The following ADGRG4 variants were observed in gnomAD, a reference collection of about 807,000 sequenced individuals.
ADGRG4 encodes the protein adhesion G protein-coupled receptor G4.
Under a neutral mutation model 126.2 loss-of-function variants are expected in ADGRG4, and 122 were observed. The observed-to-expected ratio is 0.97, with a 90% confidence interval of 0.83 to 1.12. The LOEUF (loss-of-function observed/expected upper bound fraction) is 1.12, where lower values mean the gene tolerates loss of function less well. ADGRG4 is among the 50% of genes most tolerant of loss of function. The pLI, the probability that ADGRG4 is intolerant of heterozygous loss-of-function variation, is 0.00. For synonymous variants in ADGRG4, 943 were observed against 838.7 expected (o/e 1.12, Z -2.15); for missense variants, 2,481 against 2,251.8 (o/e 1.10, Z -2.06).
chrX:136,375,915 T>C (rs1263351155), intron 15 of ADGRG4, among the ~76,000 whole-genome samples: 1 of 112,311 alleles, frequency 8.9e-6, no homozygotes, highest in Non-Finnish European at 1.9e-5. Context: ...TTTGTTTCTG[T>C]TTGTGCATTT....
chrX:136,383,943 G>A (rs1469186431), intron 15 of ADGRG4, among the ~76,000 whole-genome samples: 1 of 84,267 alleles, frequency 1.2e-5, no homozygotes, highest in Non-Finnish European at 2.5e-5. Context: ...CGAGGTTGGA[G>A]TGCAGTGGCA....
Position 136,373,053 on chromosome X carries a change from A to G in ADGRG4, c.7765A>G (p.Thr2589Ala). 2 of 1,205,750 alleles carry G rather than the reference A, an allele frequency of 1.7e-6. No individual in the cohort carries two copies. The change falls in exon 15 of 26, where the codon ACA becomes GCA. Residue 2589 changes from threonine to alanine, a missense_variant. Physicochemically the swap from Thr to Ala is moderately conservative, Grantham distance 58. Coordinates refer to ENST00000394143, the MANE Select transcript of ADGRG4 (RefSeq NM_153834.4). Reference protein sequence around the residue: ...AFSIHSYEEGTDPEIFLGNVP... With the variant: ...AFSIHSYEEGADPEIFLGNVP... ...CAGCATTCACTCCTATGAAGAAGGC[A>G]CAGACCCTGAGGTGAGTGCAGCTCA...
At chrX:136,334,879 A>AT (rs1194561274) in intron 5 of ADGRG4, among the ~76,000 whole-genome samples, 2 of 110,348 alleles carry the variant, frequency 1.8e-5, no homozygotes, top group Non-Finnish European at 1.9e-5. Context: ...GCCTTAAAAA[A>AT]TTTTTTTTTG....
chrX:136,386,239 A>G (rs1197094622), intron 15 of ADGRG4, among the ~76,000 whole-genome samples: 1 of 111,892 alleles, frequency 8.9e-6, no homozygotes. Context: ...ATTAGGAGCT[A>G]CTTAGCCATA....
At chrX:136,324,041 A>G (rs1442565779) in intron 5 of ADGRG4, among the ~76,000 whole-genome samples, 1 of 112,068 alleles carries the variant, frequency 8.9e-6, no homozygotes, top group Non-Finnish European at 1.9e-5. Context: ...TTTGGTAAGA[A>G]TACCACAGAA....
At chrX:136,353,731 T>G (rs1285476516) in intron 8 of ADGRG4, among the ~76,000 whole-genome samples, 1 of 112,379 alleles carries the variant, frequency 8.9e-6, no homozygotes, top group Non-Finnish European at 1.9e-5. Context: ...GTGCTATGTA[T>G]GGACAATGCA....
chrX:136,393,753 C>T (rs1231242992), intron 18 of ADGRG4, among the ~76,000 whole-genome samples, 173 bp downstream of exon 18: 1 of 111,580 alleles, frequency 9.0e-6, no homozygotes, highest in Non-Finnish European at 1.9e-5. Context: ...GGAATTAAGA[C>T]AACTTTCCTT....
intron 15 of ADGRG4, among the ~76,000 whole-genome samples, chrX:136,374,121 A>T (rs2075211277): frequency 9.0e-6 from 1 of 111,287 alleles, no homozygotes; most frequent in Non-Finnish European, 1.9e-5. Flanking sequence ...ATGAAATCTT[A>T]TAATATGTAC....
In ADGRG4 at chrX:136,360,355, A is replaced by G. The variant is rs775846539; in HGVS notation, c.7144+900A>G. The stretch of plus-strand genomic sequence containing the variant: ...AAAAAAATGGGAACTTATCATATAG[A>G]CTTAGCCCATGTCACATCTCCCTTC... On this transcript the variant is annotated intron_variant, in intron 11 of 25. Coordinates refer to ENST00000394143, the MANE Select transcript of ADGRG4 (RefSeq NM_153834.4). Among the ~76,000 whole-genome samples the G allele has an allele frequency of 9.9e-5, 11 of 111,044 alleles. No individual in the cohort carries two copies. The South Asian group carries it at 3.9e-3, about 39-fold the overall frequency.
intron 23 of ADGRG4, among the ~76,000 whole-genome samples, chrX:136,406,993 A>G (rs1014916235): frequency 4.5e-5 from 5 of 110,754 alleles, no homozygotes; most frequent in African/African-American, 1.6e-4. Flanking sequence ...GATTTTGCCT[A>G]TTAAAAATAT....
rs968596284 is a variant in ADGRG4 at position 136,349,790 on chromosome X, T to C, written c.6084T>C (p.His2028=). ...SPPATVSNAP[H]VMTSSTVEVS... is the part of the protein sequence containing the mutation. Reference sequence around the variant, plus strand: ...CGGCAACTGTATCTAATGCCCCTCATGTTATGACTTCCTCTACAGTAGAGG... The same window carrying C: ...CGGCAACTGTATCTAATGCCCCTCACGTTATGACTTCCTCTACAGTAGAGG... The change falls in exon 6 of 26, where the codon CAT becomes CAC. Residue 2028 remains histidine (H), a synonymous_variant. Transcript: ENST00000394143. 8.3e-7 allele frequency: 1 copy of C among 1,208,361 alleles called. No homozygotes were observed. The highest frequency in any genetic ancestry group is 1.1e-6 in the Non-Finnish European group (1 of 894,545).
Position 136,359,446 on chromosome X carries a change from A to G in ADGRG4, c.7135A>G (p.Lys2379Glu). The change falls in exon 11 of 26, where the codon AAA (lysine) becomes GAA (glutamate). Residue 2379 changes from lysine (K) to glutamate (E), a missense_variant. By Grantham distance (56) the Lys-to-Glu change is moderately conservative. Coordinates refer to ENST00000394143, the MANE Select transcript of ADGRG4 (RefSeq NM_153834.4). ...AGTAAACTGTGAACACGTTGCAGTG[A>G]AAAAACTAGGTAATTTTTTTGGGGG... ...LLVNCEHVAVKKLEPGNCKAD... is the reference protein window; with the variant it reads ...LLVNCEHVAVEKLEPGNCKAD... 1 of 1,194,223 alleles carries G rather than the reference A, an allele frequency of 8.4e-7. No homozygotes were observed. Among genetic ancestry groups the G allele is most frequent in the East Asian group, 3.0e-5 (1 of 33,304 alleles).
At chrX:136,384,409 A>G (rs942758272) in intron 15 of ADGRG4, among the ~76,000 whole-genome samples, 7 of 112,099 alleles carry the variant, frequency 6.2e-5, no homozygotes, top group African/African-American at 2.3e-4. Flanking sequence ...AAACTTCACA[A>G]GACAATGTTA....
Position 136,385,288 on chromosome X carries a change from C to T in ADGRG4, c.7777-2452C>T, listed in dbSNP as rs187849933. Among the ~76,000 whole-genome samples the T allele has an allele frequency of 3.4e-3, 375 of 110,855 alleles. 1 individual carries two copies. The highest frequency in any genetic ancestry group is 0.012 in the African/African-American group (360 of 30,589). ...TTAGCTACTCTTGCCACAAAAACAA[C>T]AAAAAAAGAGGTAACTATGTGAGAC... is the stretch of plus-strand genomic sequence containing the variant. On this transcript the variant is annotated intron_variant, in intron 15 of 25. Transcript: ENST00000394143.
At position 136,371,365 on chromosome X, in the gene ADGRG4, G is replaced by A. The variant is rs1186339673; in HGVS notation, c.7434G>A (p.Leu2478=). ...ATGTTGCAGAGCATATTTTAAATTTGATAAATGAATCCCCAGCCCTGGGTA... is the reference window on the plus strand; with the variant it reads ...ATGTTGCAGAGCATATTTTAAATTTAATAAATGAATCCCCAGCCCTGGGTA... ...AEDVAEHILN[L]INESPALGKE... is the part of the protein sequence containing the mutation. Residue 2478 remains leucine, a synonymous_variant, in exon 14 of 26, where the codon TTG becomes TTA. Coordinates refer to ENST00000394143, the MANE Select transcript of ADGRG4 (RefSeq NM_153834.4). The A allele has an allele frequency of 8.4e-7, 1 of 1,195,667 alleles. No homozygotes were observed.
Position 136,325,643 on chromosome X carries a change from T to C in ADGRG4, c.685+2251T>C, listed in dbSNP as rs191823037. On this transcript the variant is annotated intron_variant, in intron 5 of 25. Transcript: ENST00000394143. ...ATGAGTTTTCCTACCACTTTGTGGG[T>C]AGATAGCTAAATCTAACTGCTGTGT... Among the ~76,000 whole-genome samples the C allele has an allele frequency of 3.6e-5, 4 of 111,246 alleles. No homozygotes were observed. The East Asian group carries it at 1.1e-3, about 31-fold the overall frequency.
chrX:136,360,364 A>G (rs1413640872), intron 11 of ADGRG4, among the ~76,000 whole-genome samples: 2 of 111,189 alleles, frequency 1.8e-5, no homozygotes, highest in Non-Finnish European at 3.8e-5. Flanking sequence ...GACTTAGCCC[A>G]TGTCACATCT....
chrX:136,398,030 A>G, intron 20 of ADGRG4, 28 bp downstream of exon 20: 1 of 1,189,523 alleles, frequency 8.4e-7, no homozygotes, highest in Non-Finnish European at 1.1e-6. Context: ...TGCTCTGAGC[A>G]CATTTAATTT....
At chrX:136,377,617 C>A (rs1569332191) in intron 15 of ADGRG4, among the ~76,000 whole-genome samples, 1 of 111,854 alleles carries the variant, frequency 8.9e-6, no homozygotes, top group Non-Finnish European at 1.9e-5. Context: ...TTATGCTTTT[C>A]TTTAAAAGCT....
Sources: gnomAD v4.1 joint callset for allele counts (sites outside exome capture counted in the v4.1 genomes callset) on GRCh38, gnomAD v4.1.1 for gene constraint, MANE v1.5 for transcripts, NCBI Gene and HGNC (gene_info 2026-07-23, HGNC 2026-07-21) for gene names.